CEP128: variants seen among roughly 807,000 people sequenced by gnomAD.
CEP128 encodes centrosomal protein 128kDa.
In CEP128, 132 loss-of-function variants were observed where a neutral mutation model predicts 156.7. The ratio of observed to expected loss-of-function variants is 0.84; its 90% CI spans 0.73 to 0.97. CEP128 has a LOEUF of 0.97. Ranked by LOEUF, CEP128 falls within the 50% of genes least tolerant of loss-of-function variation. The probability of loss-of-function intolerance (pLI) is 0.00; values close to 1 mark genes in which losing one functional copy is unlikely to be tolerated. For missense variants in CEP128, 1,252 were observed against 1,281.9 expected, an observed-to-expected ratio of 0.98 and a Z score of 0.36; for synonymous variants, 469 against 448.9, an observed-to-expected ratio of 1.04 and a Z score of -0.57.
chr14:80,571,220 A>C (rs1336152894), intron 20 of CEP128, among the ~76,000 whole-genome samples: 2 of 152,190 alleles, frequency 1.3e-5, no homozygotes, highest in Non-Finnish European at 1.5e-5. Flanking sequence ...TAGATTCATC[A>C]CTGAGATCAT....
chr14:80,779,746 T>C (rs1901001770), intron 15 of CEP128, among the ~76,000 whole-genome samples: 1 of 152,246 alleles, frequency 6.6e-6, no homozygotes, highest in African/African-American at 2.4e-5. Context: ...TTCAAATATT[T>C]ACCAGCACAC....
chr14:80,957,286 C>T (rs542723887), intron 2 of CEP128, among the ~76,000 whole-genome samples: 17 of 152,232 alleles, frequency 1.1e-4, no homozygotes, highest in African/African-American at 4.1e-4. Flanking sequence ...CTATACCCCC[C>T]TTCCCAACAG....
chr14:80,597,165 C>G (rs912136215), intron 19 of CEP128, among the ~76,000 whole-genome samples: 2 of 151,754 alleles, frequency 1.3e-5, no homozygotes, highest in African/African-American at 2.4e-5. Flanking sequence ...AATTGACAAA[C>G]CTTTACCAAG....
intron 21 of CEP128, among the ~76,000 whole-genome samples, chr14:80,531,845 T>C (rs934854880): frequency 6.6e-6 from 1 of 152,172 alleles, no homozygotes; most frequent in Non-Finnish European, 1.5e-5. Flanking sequence ...TGAAAGGTTC[T>C]GAACAATGGA....
At chr14:80,816,343 G>A (rs1046643783) in intron 13 of CEP128, among the ~76,000 whole-genome samples, 2 of 152,098 alleles carry the variant, frequency 1.3e-5, no homozygotes, top group Non-Finnish European at 2.9e-5. Flanking sequence ...TATTGCGGAG[G>A]CTCCATTCCA....
intron 19 of CEP128, among the ~76,000 whole-genome samples, chr14:80,604,612 C>T (rs938750942): frequency 2.6e-5 from 4 of 152,090 alleles, no homozygotes; most frequent in African/African-American, 9.7e-5. Flanking sequence ...CCTCGGTTAG[C>T]TTTTACAAAC....
intron 13 of CEP128, among the ~76,000 whole-genome samples, chr14:80,812,968 A>C (rs1884647329): frequency 6.6e-6 from 1 of 152,136 alleles, no homozygotes; most frequent in Admixed American, 6.5e-5. Flanking sequence ...TCTAATGATT[A>C]GTAATGTTGA....
In CEP128 at chr14:80,822,676, A is replaced by T. The variant is rs572155770; in HGVS notation, c.1209+8467T>A. On this transcript the variant is annotated intron_variant, in intron 13 of 24. Transcript: ENST00000555265. The stretch of plus-strand genomic sequence containing the variant: ...AGGCCCCTGCAAAGAAGGGAGAGAA[A>T]GTACCCAAAGGGAAAAAGGGAAAAG... 5.1e-6 allele frequency: 4 copies of T among 781,258 alleles called. No individual in the cohort carries two copies. In the African/African-American group the frequency reaches 6.7e-5, roughly 13 times the overall value. 48.4% of individuals were successfully genotyped at this position (781,258 alleles called of 1,614,324 possible). A position where few individuals can be genotyped will look rare whatever the true frequency, so the allele number is the denominator to read the frequency against.
At chr14:80,706,704 A>G (rs1897250182) in intron 19 of CEP128, among the ~76,000 whole-genome samples, 1 of 152,086 alleles carries the variant, frequency 6.6e-6, no homozygotes, top group South Asian at 2.1e-4. Context: ...GGAGCTTTCA[A>G]TCATTATGTC....
At chr14:80,658,844 T>A (rs1164097040) in intron 19 of CEP128, among the ~76,000 whole-genome samples, 1 of 152,142 alleles carries the variant, frequency 6.6e-6, no homozygotes, top group Non-Finnish European at 1.5e-5. Context: ...CTACGAAGCT[T>A]TTCTACCACC....
rs190305059 is a variant in CEP128 at position 80,705,974 on chromosome 14, G to A, written c.2806+37101C>T. The stretch of plus-strand genomic sequence containing the variant: ...ATAATGACAGGTACAAGGATGTTGT[G>A]TTGTACCACAAGCAGGTATATATCA... On this transcript the variant is annotated intron_variant, in intron 19 of 24. Transcript: ENST00000555265. Among the ~76,000 whole-genome samples the A allele has an allele frequency of 8.5e-5, 13 of 152,198 alleles. No homozygotes were observed. The East Asian group carries it at 2.3e-3, about 27-fold the overall frequency.
At chr14:80,566,275 T>G (rs540990431) in intron 20 of CEP128, among the ~76,000 whole-genome samples, 1 of 152,214 alleles carries the variant, frequency 6.6e-6, no homozygotes, top group East Asian at 1.9e-4. Flanking sequence ...TAGAATGAAA[T>G]ACAAATATAT....
chr14:80,796,638 C>A (rs957281974), intron 13 of CEP128, among the ~76,000 whole-genome samples: 4 of 152,234 alleles, frequency 2.6e-5, no homozygotes, highest in East Asian at 3.9e-4. Flanking sequence ...TACCATTTAG[C>A]CTCTTAAATC....
intron 18 of CEP128, among the ~76,000 whole-genome samples, chr14:80,751,815 A>AGAT (rs1899411111): frequency 6.6e-6 from 1 of 152,030 alleles, no homozygotes; most frequent in Non-Finnish European, 1.5e-5. Context: ...TTTTCAGTAG[A>AGAT]GATGGTGGTT....
At chr14:80,529,125 T>C (rs948726502) in intron 22 of CEP128, among the ~76,000 whole-genome samples, 1 of 152,158 alleles carries the variant, frequency 6.6e-6, no homozygotes, top group Non-Finnish European at 1.5e-5. Context: ...TCCTCATCTA[T>C]AAAATGGGTG....
At chr14:80,560,937 C>T (rs750760800) in intron 20 of CEP128, among the ~76,000 whole-genome samples, 1 of 151,952 alleles carries the variant, frequency 6.6e-6, no homozygotes, top group African/African-American at 2.4e-5. Flanking sequence ...CTAAGAGAAC[C>T]CTGACTAATA....
chr14:80,794,657 T>C (rs373147672), intron 13 of CEP128, among the ~76,000 whole-genome samples: 2 of 152,308 alleles, frequency 1.3e-5, no homozygotes, highest in African/African-American at 4.8e-5. Context: ...TTATACTTCC[T>C]GTTCATCAAG....
chr14:80,931,850 T>C (rs1408204822), intron 2 of CEP128, among the ~76,000 whole-genome samples: 1 of 152,248 alleles, frequency 6.6e-6, no homozygotes, highest in East Asian at 1.9e-4. Context: ...AGGGCCTTCT[T>C]TCTCCCAGCT....
intron 13 of CEP128, among the ~76,000 whole-genome samples, chr14:80,807,005 A>G (rs1056352849): frequency 2.6e-5 from 4 of 152,202 alleles, no homozygotes; most frequent in African/African-American, 9.6e-5. Flanking sequence ...AGGAGGAAAC[A>G]GAAACTAAGG....
Sources: allele counts gnomAD v4.1 joint callset (sites outside exome capture counted in the v4.1 genomes callset), GRCh38; gene constraint gnomAD v4.1.1; transcripts MANE v1.5; gene names NCBI Gene and HGNC (gene_info 2026-07-23, HGNC 2026-07-21).